The following TLE2 variants were observed in gnomAD, a reference collection of about 807,000 sequenced individuals.
TLE2 encodes the protein transducin-like enhancer protein 2.
A neutral mutation model predicts 97.2 loss-of-function variants in TLE2; 74 were observed. The observed-to-expected ratio is 0.76, with a 90% CI of 0.63 to 0.92. The LOEUF (loss-of-function observed/expected upper bound fraction) is 0.92. Ranked by LOEUF, TLE2 falls within the 40% of genes least tolerant of loss-of-function variation. The pLI, the probability that TLE2 is intolerant of heterozygous loss-of-function variation, is 0.00. For synonymous variants in TLE2, 499 were observed against 432.1 expected (o/e 1.15, Z -1.92); for missense variants, 1,038 against 1,008.7 (o/e 1.03, Z -0.39).
At chr19:3,018,978 G>T (rs1023714814) in intron 7 of TLE2, among the ~76,000 whole-genome samples, 3 of 152,000 alleles carry the variant, frequency 2.0e-5, no homozygotes, top group African/African-American at 7.2e-5. Context: ...TGCTTGGGCT[G>T]GCCTCTAACT....
chr19:2,998,028 G>A (rs2089254945), intron 19 of TLE2, 73 bp from the exon 20 acceptor site: 1 of 1,116,542 alleles, frequency 9.0e-7, no homozygotes, highest in Non-Finnish European at 1.3e-6. Context: ...GGGCAAGGCT[G>A]GGGCGGAGTC....
intron 12 of TLE2, 47 bp downstream of exon 12, chr19:3,010,975 A>G (rs774580115): frequency 6.4e-7 from 1 of 1,573,394 alleles, no homozygotes; most frequent in Non-Finnish European, 8.6e-7. Context: ...AGATCTCCCC[A>G]GAGACGAGGC....
Position 3,019,933 on chromosome 19 carries a change from T to A in TLE2, c.295-160A>T. 2.0e-6 allele frequency: 2 copies of A among 1,016,482 alleles called. No homozygotes were observed. Among genetic ancestry groups the A allele is most frequent in the Non-Finnish European group, 2.8e-6 (2 of 713,302 alleles). The allele number at this position is 1,016,482 out of a possible 1,614,324, so 63.0% of individuals were successfully genotyped here. A position where few individuals can be genotyped will look rare whatever the true frequency, so the allele number is the denominator to read the frequency against. On this transcript the variant is annotated intron_variant, in intron 5 of 19. Transcript: ENST00000262953. The surrounding 1 kb of genome is among the most constrained non-coding windows in gnomAD (Gnocchi z 5.1). The stretch of plus-strand genomic sequence containing the variant: ...CCCTCTCACTCTCTCCCTTTCCTTT[T>A]GGAATTTTGAAATAAGCACACGGAG...
chr19:3,015,598 C>A, intron 9 of TLE2, 55 bp downstream of exon 9: 2 of 1,439,852 alleles, frequency 1.4e-6, no homozygotes, highest in Non-Finnish European at 1.9e-6. Flanking sequence ...TCTGAGGGGC[C>A]AGGCTGGTCT....
rs181368346 is a variant in TLE2 at position 3,025,497 on chromosome 19, C to G, written c.232-415G>C. The G allele has an allele frequency of 6.0e-5, 60 of 1,007,632 alleles. No homozygotes were observed. The African/African-American group carries it at 8.5e-4, about 14-fold the overall frequency. The allele number at this position is 1,007,632 out of a possible 1,614,324, so 62.4% of individuals were successfully genotyped here. A position where few individuals can be genotyped will look rare whatever the true frequency, so the allele number is the denominator to read the frequency against. ...CAGATTCCAGCCCCGGCTTGGCCCA[C>G]GTCTGTCCCAGGCAAGGCCCCTTTC... On this transcript the variant is annotated intron_variant, in intron 4 of 19. Transcript: ENST00000262953.
intron 5 of TLE2, 25 bp downstream of exon 5, chr19:3,024,995 T>TCCCCCCC: frequency 2.5e-6 from 2 of 790,220 alleles, no homozygotes; most frequent in African/African-American, 1.8e-5. Flanking sequence ...CTTCCCCTCC[T>TCCCCCCC]CCCCCCACCC....
intron 2 of TLE2, 139 bp downstream of exon 2, chr19:3,028,567 A>C: frequency 9.3e-7 from 1 of 1,072,332 alleles, no homozygotes; most frequent in South Asian, 1.4e-5. Context: ...ACCCCTCTGC[A>C]CCTGCGCTTC....
At chr19:3,011,217 C>G in intron 11 of TLE2, 57 bp from the exon 12 acceptor site, 2 of 1,505,072 alleles carry the variant, frequency 1.3e-6, no homozygotes, top group Non-Finnish European at 1.8e-6. Flanking sequence ...TGTGGCCCAA[C>G]GATCTGATCA....
At chr19:3,015,625 T>A in intron 9 of TLE2, 28 bp downstream of exon 9, 1 of 1,556,862 alleles carries the variant, frequency 6.4e-7, no homozygotes, top group African/African-American at 1.4e-5. Flanking sequence ...TGCACGCCCA[T>A]CCCAGTCCTG....
Position 3,019,432 on chromosome 19 carries a change from G to C in TLE2, c.401C>G (p.Pro134Arg). The C allele has an allele frequency of 6.5e-7, 1 of 1,533,282 alleles. No homozygotes were observed. The highest frequency in any genetic ancestry group is 8.7e-7 in the Non-Finnish European group (1 of 1,145,052). The allele number at this position is 1,533,282 out of a possible 1,614,324, so 95.0% of individuals were successfully genotyped here. The change falls in exon 7 of 20, where the codon CCC becomes CGC. Residue 134 changes from proline to arginine, a missense_variant. By Grantham distance (103) the Pro-to-Arg change is moderately radical. Coordinates refer to ENST00000262953, the MANE Select transcript of TLE2 (RefSeq NM_003260.5). This position sits in a 1 kb window ranked among gnomAD's most constrained non-coding sequence, Gnocchi z 5.1. ...TGGGCGGGGGGTGAGGGGCACAGGG[G>C]GTGCGTGGTGGGACAGCGGCTGGAG... ...QQLQPLSHHA[P>R]PVPLTPRPAG...
At chr19:3,006,105 G>A (rs1253503897) in intron 15 of TLE2, 137 bp from the exon 16 acceptor site, 1 of 1,130,288 alleles carries the variant, frequency 8.8e-7, no homozygotes, top group Non-Finnish European at 1.3e-6. Flanking sequence ...TGATTGGCTG[G>A]TGAGCCCCGC....
chr19:3,013,916 T>G, intron 10 of TLE2, 98 bp from the exon 11 acceptor site: 2 of 1,192,442 alleles, frequency 1.7e-6, no homozygotes, highest in Non-Finnish European at 2.2e-6. Context: ...ATCTCTAGAA[T>G]GGGTACCCAT....
In TLE2 at chr19:3,014,428, C is replaced by T. The variant is rs193044475; in HGVS notation, c.723+142G>A. 842 of 687,402 alleles carry T rather than the reference C, an allele frequency of 1.2e-3. 6 individuals carry two copies. In the African/African-American group the frequency reaches 0.014, roughly 12 times the overall value. 42.6% of individuals were successfully genotyped at this position (687,402 alleles called of 1,614,324 possible). On this transcript the variant is annotated intron_variant, in intron 10 of 19. Coordinates refer to ENST00000262953, the MANE Select transcript of TLE2 (RefSeq NM_003260.5). ...GGTCGGCCAGAGGTGTCCCGGAGTCCCTGACGCTTCCTGACCCCATCCCAG... is the reference window on the plus strand; with the variant it reads ...GGTCGGCCAGAGGTGTCCCGGAGTCTCTGACGCTTCCTGACCCCATCCCAG...
In TLE2 at chr19:3,024,903, T is replaced by C. The variant is rs561888172; in HGVS notation, c.294+117A>G. 10 of 868,518 alleles carry C rather than the reference T, an allele frequency of 1.2e-5. No individual in the cohort carries two copies. In the African/African-American group the frequency reaches 1.7e-4, roughly 15 times the overall value. The allele number at this position is 868,518 out of a possible 1,614,324, so 53.8% of individuals were successfully genotyped here. On this transcript the variant is annotated intron_variant, in intron 5 of 19. Transcript: ENST00000262953. Reference sequence around the variant, plus strand: ...ACTACTGCAGTGAAAATGGTCTCTATCCGTGCTGCAGGCTACGCGGCAGAA... The same window carrying C: ...ACTACTGCAGTGAAAATGGTCTCTACCCGTGCTGCAGGCTACGCGGCAGAA...
chr19:3,025,776 G>A (rs182919754), intron 4 of TLE2: 252 of 218,718 alleles, frequency 1.2e-3, no homozygotes, highest in Admixed American at 2.7e-3. Context: ...TTCCCACCAG[G>A]AGGGTGGAAC....
chr19:3,010,985 C>G, intron 12 of TLE2, 37 bp downstream of exon 12: 2 of 1,584,466 alleles, frequency 1.3e-6, no homozygotes, highest in Non-Finnish European at 1.7e-6. Context: ...AGAGACGAGG[C>G]CTGCTCCAGA....
In TLE2 at chr19:3,019,510, C is replaced by G; in HGVS notation, c.370-47G>C. On this transcript the variant is annotated intron_variant, in intron 6 of 19. Transcript: ENST00000262953. The surrounding 1 kb of genome is among the most constrained non-coding windows in gnomAD (Gnocchi z 5.1). ...GGGCCGGGGCGGGGGGCGGCAGGAG[C>G]CCAGCGGTCCCCAGCCCAAGAGGTA... 3 of 1,479,870 alleles carry G rather than the reference C, an allele frequency of 2.0e-6. No individual in the cohort carries two copies. The highest frequency in any genetic ancestry group is 2.7e-6 in the Non-Finnish European group (3 of 1,118,348). The allele number at this position is 1,479,870 out of a possible 1,614,324, so 91.7% of individuals were successfully genotyped here.
chr19:3,032,919 C>A (rs1004946769), upstream of TLE2, among the ~76,000 whole-genome samples: 1 of 150,578 alleles, frequency 6.6e-6, no homozygotes, highest in Non-Finnish European at 1.5e-5. This position sits in a 1 kb window ranked among gnomAD's most constrained non-coding sequence, Gnocchi z 4.1. Context: ...CTGTCCACCC[C>A]ACATCTTCCT....
At chr19:3,006,731 G>A (rs990600190) in intron 14 of TLE2, 62 bp from the exon 15 acceptor site, 9 of 1,520,144 alleles carry the variant, frequency 5.9e-6, no homozygotes, top group African/African-American at 1.4e-5. Context: ...CCGCACCTGG[G>A]AGGGCAGGGA....
Sources: gnomAD v4.1 joint callset for allele counts (sites outside exome capture counted in the v4.1 genomes callset) on GRCh38, gnomAD v4.1.1 for gene constraint, Gnocchi (gnomAD v3.1) non-coding constraint, MANE v1.5 for transcripts, NCBI Gene and HGNC (gene_info 2026-07-23, HGNC 2026-07-21) for gene names.